FBLN1: variants seen among roughly 807,000 people sequenced by gnomAD.
FBLN1 encodes the protein fibulin 1.
FBLN1 carries 34 observed loss-of-function variants against 89.7 expected under a neutral mutation model. That is an observed-to-expected ratio of 0.38 (90% CI 0.29 to 0.50). The LOEUF is 0.50. FBLN1 is among the 20% of genes least tolerant of loss of function. The pLI is 0.92. For synonymous variants in FBLN1, 393 were observed against 391.3 expected (o/e 1.00, Z -0.05); for missense variants, 777 against 988.1 (o/e 0.79, Z 2.86).
intron 2 of FBLN1, chr22:45,523,110 C>T (rs750071731): frequency 5.2e-6 from 4 of 774,016 alleles, no homozygotes; most frequent in South Asian, 2.7e-5. Flanking sequence ...GTTGGCCTCA[C>T]TGTGCCAGGA....
chr22:45,586,655 T>G (rs80318790), intron 16 of FBLN1, among the ~76,000 whole-genome samples: 1 of 152,164 alleles, frequency 6.6e-6, no homozygotes, highest in Non-Finnish European at 1.5e-5. Flanking sequence ...CACGGACACA[T>G]GCCTGAGCCA....
At chr22:45,585,403 C>T (rs190239532) in intron 16 of FBLN1, among the ~76,000 whole-genome samples, 13 of 152,356 alleles carry the variant, frequency 8.5e-5, no homozygotes, top group East Asian at 3.9e-4. Flanking sequence ...GTTAAATGTG[C>T]GCCGCTGACC....
rs988288063 is a variant in FBLN1 at position 45,576,170 on chromosome 22, G to T, written c.1841-807G>T. ...TCGTCACAGGGTGGCACAGACTTGG[G>T]TCAGAGAAAATAACTAACTGGTATT... On this transcript the variant is annotated intron_variant, in intron 15 of 16. Transcript: ENST00000327858. The surrounding 1 kb of genome is among the most constrained non-coding windows in gnomAD (Gnocchi z 5.2). Among the ~76,000 whole-genome samples the T allele has an allele frequency of 2.0e-5, 3 of 152,190 alleles. No homozygotes were observed. The highest frequency in any genetic ancestry group is 7.2e-5 in the African/African-American group (3 of 41,438).
intron 14 of FBLN1, among the ~76,000 whole-genome samples, chr22:45,571,343 A>G (rs577022637): frequency 7.9e-5 from 12 of 152,348 alleles, no homozygotes; most frequent in African/African-American, 2.9e-4. Context: ...TGCAAAAAGC[A>G]TAAACTATTA....
In FBLN1 at chr22:45,503,083, C is replaced by T. The variant is rs1181239252; in HGVS notation, c.79+19C>T. On this transcript the variant is annotated intron_variant, in intron 1 of 16. Transcript: ENST00000327858. ...GCCGGAGGTAGGGGCGTCCCGGGTC[C>T]GCCGCCCCAGCTTAGGGTCCCGACC... 4.1e-6 allele frequency: 5 copies of T among 1,231,618 alleles called. No homozygotes were observed. The highest frequency in any genetic ancestry group is 4.1e-6 in the Non-Finnish European group (4 of 986,900). 76.3% of individuals were successfully genotyped at this position (1,231,618 alleles called of 1,614,324 possible). A position where few individuals can be genotyped will look rare whatever the true frequency, so the allele number is the denominator to read the frequency against.
chr22:45,505,813 C>G (rs1206045897), intron 1 of FBLN1, among the ~76,000 whole-genome samples: 1 of 152,066 alleles, frequency 6.6e-6, no homozygotes, highest in Non-Finnish European at 1.5e-5. Context: ...CTCTTGTCGC[C>G]CAGGCTGGAG....
chr22:45,584,325 C>G (rs888888936), intron 16 of FBLN1, among the ~76,000 whole-genome samples: 9 of 152,216 alleles, frequency 5.9e-5, no homozygotes, highest in Admixed American at 1.3e-4. Flanking sequence ...CTCACCCCCA[C>G]TTAAAGGGAA....
At chr22:45,565,224 C>T in intron 14 of FBLN1, 1 of 1,466,102 alleles carries the variant, frequency 6.8e-7, no homozygotes. Flanking sequence ...ATGGTCTGAG[C>T]TTCCTTAGAA....
chr22:45,519,826 C>G (rs943187113), intron 2 of FBLN1, among the ~76,000 whole-genome samples: 1 of 151,998 alleles, frequency 6.6e-6, no homozygotes, highest in Non-Finnish European at 1.5e-5. Flanking sequence ...GCTGGGTGAC[C>G]TGAGCCAGCT....
At position 45,600,343 on chromosome 22, in the gene FBLN1, T is replaced by A; in HGVS notation, c.2009T>A (p.Phe670Tyr). Reference protein sequence around the residue: ...VRQVRPIVGPFHAVLKLEMNY... With the variant: ...VRQVRPIVGPYHAVLKLEMNY... ...CAGGTGCGGCCCATCGTGGGCCCAT[T>A]TCATGCCGTCCTGAAGCTGGAGATG... The change falls in exon 17 of 17, where the codon TTT becomes TAT. Residue 670 changes from phenylalanine to tyrosine, a missense_variant. By Grantham distance (22) the Phe-to-Tyr change is conservative (BLOSUM62 3). Coordinates refer to ENST00000327858, the MANE Select transcript of FBLN1 (RefSeq NM_006486.3). The A allele has an allele frequency of 6.2e-7, 1 of 1,614,196 alleles. No individual in the cohort carries two copies. The highest frequency in any genetic ancestry group is 8.5e-7 in the Non-Finnish European group (1 of 1,180,030).
At chr22:45,517,280 A>G (rs1458162534) in intron 1 of FBLN1, 5 of 304,606 alleles carry the variant, frequency 1.6e-5, no homozygotes, top group Non-Finnish European at 2.6e-5. Context: ...CATCCTGCCG[A>G]GAGGTGACCT....
chr22:45,544,436 G>A (rs1183224564), intron 11 of FBLN1, among the ~76,000 whole-genome samples: 3 of 152,184 alleles, frequency 2.0e-5, no homozygotes, highest in Non-Finnish European at 4.4e-5. Context: ...GCAGAGACAG[G>A]GAGAAGCACC....
intron 16 of FBLN1, among the ~76,000 whole-genome samples, chr22:45,592,102 G>T (rs568527246): frequency 2.0e-5 from 3 of 152,182 alleles, no homozygotes; most frequent in Non-Finnish European, 4.4e-5. Flanking sequence ...CTGCGGCCCT[G>T]TTAGCTCCGT....
At chr22:45,516,886 C>A (rs966209765) in intron 1 of FBLN1, among the ~76,000 whole-genome samples, 5 of 152,184 alleles carry the variant, frequency 3.3e-5, no homozygotes, top group African/African-American at 1.2e-4. Context: ...CTAGGTGAGA[C>A]CCCCCTCCTC....
chr22:45,504,362 G>A (rs1471585597), intron 1 of FBLN1, among the ~76,000 whole-genome samples: 1 of 152,154 alleles, frequency 6.6e-6, no homozygotes. Context: ...GTGTGGGGAG[G>A]CGCAGAGCTC....
At chr22:45,584,358 A>G (rs2089067311) in intron 16 of FBLN1, among the ~76,000 whole-genome samples, 1 of 152,182 alleles carries the variant, frequency 6.6e-6, no homozygotes, top group Non-Finnish European at 1.5e-5. Flanking sequence ...ATGTTTTGAA[A>G]TCGCATTTTA....
At chr22:45,552,062 G>T (rs1215053997) in intron 14 of FBLN1, among the ~76,000 whole-genome samples, 1 of 152,262 alleles carries the variant, frequency 6.6e-6, no homozygotes, top group Non-Finnish European at 1.5e-5. Context: ...GGCTGTGGAA[G>T]CCTCTGCCAC....
Position 45,525,450 on chromosome 22 carries a change from G to C in FBLN1, c.186-93G>C, listed in dbSNP as rs1602175307. The C allele has an allele frequency of 2.6e-6, 3 of 1,142,756 alleles. No individual in the cohort carries two copies. The East Asian group carries it at 7.7e-5, about 29-fold the overall frequency. The allele number at this position is 1,142,756 out of a possible 1,614,324, so 70.8% of individuals were successfully genotyped here. A position where few individuals can be genotyped will look rare whatever the true frequency, so the allele number is the denominator to read the frequency against. ...GTGTCTGTGGGAGCAGGGAAGGGGA[G>C]GCTCAAAGGTGAGAGCACCCCCACC... On this transcript the variant is annotated intron_variant, in intron 2 of 16. Coordinates refer to ENST00000327858, the MANE Select transcript of FBLN1 (RefSeq NM_006486.3).
At chr22:45,555,272 A>AATATATAT (rs10648791) in intron 14 of FBLN1, among the ~76,000 whole-genome samples, 92 of 44,594 alleles carry the variant, frequency 2.1e-3, no homozygotes, top group African/African-American at 3.8e-3. Flanking sequence ...TATAAAATGG[A>AATATATAT]ATATATATAT....
Sources: allele counts gnomAD v4.1 joint callset (sites outside exome capture counted in the v4.1 genomes callset), GRCh38; gene constraint gnomAD v4.1.1; non-coding constraint Gnocchi (gnomAD v3.1); transcripts MANE v1.5; gene names NCBI Gene and HGNC (gene_info 2026-07-23, HGNC 2026-07-21).